Variants in PI4K2B observed in about 807,000 individuals in gnomAD.
PI4K2B encodes phosphatidylinositol 4-kinase type 2-beta.
A neutral mutation model predicts 56.6 loss-of-function variants in PI4K2B; 46 were observed. That is an observed-to-expected ratio of 0.81 (90% CI 0.64 to 1.04). PI4K2B has a LOEUF of 1.04. PI4K2B is among the 50% of genes least tolerant of loss of function. The pLI, the probability that PI4K2B is intolerant of heterozygous loss-of-function variation, is 0.00. For missense variants in PI4K2B, 556 were observed against 607.7 expected (o/e 0.91, Z 0.89); for synonymous variants, 211 against 223.8 (o/e 0.94, Z 0.51).
intron 9 of PI4K2B, among the ~76,000 whole-genome samples, chr4:25,272,200 T>A (rs1434410909): frequency 6.6e-6 from 1 of 151,968 alleles, no homozygotes; most frequent in Non-Finnish European, 1.5e-5. Flanking sequence ...CTGAGGCCTG[T>A]TACAAAGATG....
At chr4:25,248,413 G>A (rs1715889403) in intron 1 of PI4K2B, among the ~76,000 whole-genome samples, 2 of 152,052 alleles carry the variant, frequency 1.3e-5, no homozygotes, top group Admixed American at 6.6e-5. Context: ...CTCTTGTCTT[G>A]GAGTTTCCTG....
intron 9 of PI4K2B, among the ~76,000 whole-genome samples, chr4:25,273,716 A>G (rs1716998164): frequency 6.6e-6 from 1 of 152,176 alleles, no homozygotes; most frequent in African/African-American, 2.4e-5. Context: ...CTCTTCTCCC[A>G]TTCCTCTTCC....
chr4:25,234,043 G>T lies in PI4K2B; in HGVS notation c.-121G>T. 1 of 879,470 alleles carries T rather than the reference G, an allele frequency of 1.1e-6. No homozygotes were observed. The highest frequency in any genetic ancestry group is 1.5e-6 in the Non-Finnish European group (1 of 666,862). 54.5% of individuals were successfully genotyped at this position (879,470 alleles called of 1,614,324 possible). ...CGCTGGGCGGGCGCCAAGCGTGCCC[G>T]TGCGCTGGTGAGGTGGCGTCCGTTC... On this transcript the variant is annotated 5_prime_UTR_variant, in exon 1 of 10. Coordinates refer to ENST00000264864, the MANE Select transcript of PI4K2B (RefSeq NM_018323.4).
At chr4:25,234,551 C>A in intron 1 of PI4K2B, 120 bp downstream of exon 1, 1 of 685,638 alleles carries the variant, frequency 1.5e-6, no homozygotes, top group South Asian at 7.2e-5. Flanking sequence ...GCTCGCTGGG[C>A]AGCAGCTCCC....
rs1717186722 is a variant in PI4K2B at position 25,278,515 on chromosome 4, C to G, written c.*1328C>G. 6.6e-6 allele frequency: 1 copy of G among 152,506 alleles called. No individual in the cohort carries two copies. The highest frequency in any genetic ancestry group is 2.4e-5 in the African/African-American group (1 of 41,412). The allele number at this position is 152,506 out of a possible 1,614,324, so 9.4% of individuals were successfully genotyped here. The stretch of plus-strand genomic sequence containing the variant: ...TAAATTAGGATGCAAAACAGATCTG[C>G]CATTCCTTTTTCCCTTATATCTTCC... On this transcript the variant is annotated 3_prime_UTR_variant, in exon 10 of 10. Transcript: ENST00000264864.
rs544793319 is a variant in PI4K2B at position 25,256,223 on chromosome 4, G to C, written c.625-320G>C. 3.1e-3 allele frequency among the ~76,000 whole-genome samples: 470 copies of C among 152,244 alleles called. 4 individuals are homozygous for C. The highest frequency in any genetic ancestry group is 0.011 in the African/African-American group (444 of 41,536). ...ATGAGCCACTGCACCCAGCTAACCT[G>C]GCATCCTTTCTAAATTTTTACTTGA... is the stretch of plus-strand genomic sequence containing the variant. On this transcript the variant is annotated intron_variant, in intron 3 of 9. Coordinates refer to ENST00000264864, the MANE Select transcript of PI4K2B (RefSeq NM_018323.4).
chr4:25,260,500 A>C, intron 5 of PI4K2B, 24 bp from the exon 6 acceptor site: 1 of 1,152,388 alleles, frequency 8.7e-7, no homozygotes, highest in Non-Finnish European at 1.2e-6. Flanking sequence ...ATGAAGTAAC[A>C]GATTTTCTTG....
At chr4:25,267,753 G>T (rs542704316) in intron 7 of PI4K2B, 98 of 980,530 alleles carry the variant, frequency 1.0e-4, no homozygotes, top group Non-Finnish European at 1.2e-4. Flanking sequence ...AGATTTAATG[G>T]TCTTCTTGAG....
rs1268867638 is a variant in PI4K2B at position 25,268,429 on chromosome 4, C to A, written c.1079-14C>A. ...TTTCCTACCACTGATTAGGAGAATG[C>A]TTTTTTCTATTAGATCCATTTCACT... On this transcript the variant is annotated splice_polypyrimidine_tract_variant and intron_variant, in intron 7 of 9. Coordinates refer to ENST00000264864, the MANE Select transcript of PI4K2B (RefSeq NM_018323.4). The A allele has an allele frequency of 1.3e-6, 2 of 1,595,472 alleles. No homozygotes were observed. The highest frequency in any genetic ancestry group is 4.5e-5 in the East Asian group (2 of 44,590).
chr4:25,244,643 G>A (rs1715681879), intron 1 of PI4K2B, among the ~76,000 whole-genome samples: 1 of 152,170 alleles, frequency 6.6e-6, no homozygotes. Context: ...TTTCAAGGGT[G>A]AGTCTGTTGA....
intron 3 of PI4K2B, among the ~76,000 whole-genome samples, 173 bp from the exon 4 acceptor site, chr4:25,256,370 C>T (rs934838663): frequency 6.6e-6 from 1 of 152,224 alleles, no homozygotes; most frequent in Non-Finnish European, 1.5e-5. Context: ...ATGTGCCCTT[C>T]ATTTAACAAG....
At chr4:25,258,143 T>C in intron 4 of PI4K2B, among the ~76,000 whole-genome samples, 1 of 151,960 alleles carries the variant, frequency 6.6e-6, no homozygotes, top group Middle Eastern at 3.2e-3. Context: ...GCTATCAATA[T>C]TATGATTAAT....
intron 1 of PI4K2B, among the ~76,000 whole-genome samples, chr4:25,248,906 G>T (rs941365582): frequency 6.6e-6 from 1 of 152,142 alleles, no homozygotes; most frequent in Non-Finnish European, 1.5e-5. Context: ...GGGAAGGTCA[G>T]CAGATAAACA....
At chr4:25,235,463 C>A (rs1389097323) in intron 1 of PI4K2B, among the ~76,000 whole-genome samples, 1 of 152,176 alleles carries the variant, frequency 6.6e-6, no homozygotes, top group East Asian at 1.9e-4. Flanking sequence ...TAGAATCGGT[C>A]ACTCAAGTTC....
chr4:25,273,946 T>A (rs997733926), intron 9 of PI4K2B, among the ~76,000 whole-genome samples: 1 of 152,170 alleles, frequency 6.6e-6, no homozygotes, highest in Non-Finnish European at 1.5e-5. Flanking sequence ...CCTTTCCCAG[T>A]GGTGCTCTTG....
chr4:25,276,820 C>T lies in PI4K2B; in HGVS notation c.1273-194C>T, dbSNP rs201067141. 1,081 of 799,574 alleles carry T rather than the reference C, an allele frequency of 1.4e-3. 10 individuals are homozygous for T. In the African/African-American group the frequency reaches 0.019, roughly 14 times the overall value. 49.5% of individuals were successfully genotyped at this position (799,574 alleles called of 1,614,324 possible). On this transcript the variant is annotated intron_variant, in intron 9 of 9. Coordinates refer to ENST00000264864, the MANE Select transcript of PI4K2B (RefSeq NM_018323.4). The stretch of plus-strand genomic sequence containing the variant: ...CTAATTGTGTGTGTGTGTGTGTGCG[C>T]GTGTGTGTGTGCGCGTGTGTGTGTA...
intron 2 of PI4K2B, among the ~76,000 whole-genome samples, chr4:25,253,038 T>C (rs1716126428): frequency 6.6e-6 from 1 of 152,256 alleles, no homozygotes. Flanking sequence ...CACATTCAGC[T>C]GTAGCCTTTT....
chr4:25,260,485 T>C (rs1716417712), intron 5 of PI4K2B, 39 bp from the exon 6 acceptor site: 2 of 901,708 alleles, frequency 2.2e-6, no homozygotes. Context: ...ATGATGTCCA[T>C]AGAAATGAAG....
At chr4:25,269,326 G>C in intron 9 of PI4K2B, 123 bp downstream of exon 9, 1 of 610,592 alleles carries the variant, frequency 1.6e-6, no homozygotes, top group South Asian at 2.1e-5. Flanking sequence ...AACCAAAATA[G>C]CCCAGATTAT....
Sources: gnomAD v4.1 joint callset for allele counts (sites outside exome capture counted in the v4.1 genomes callset) on GRCh38, gnomAD v4.1.1 for gene constraint, MANE v1.5 for transcripts, NCBI Gene and HGNC (gene_info 2026-07-23, HGNC 2026-07-21) for gene names.